The following EBF2 variants were observed in gnomAD, a reference collection of about 807,000 sequenced individuals.
EBF2 encodes transcription factor COE2.
In EBF2, 21 loss-of-function variants were observed where a neutral mutation model predicts 72.8. The ratio of observed to expected loss-of-function variants is 0.29; its 90% CI spans 0.20 to 0.42. EBF2 has a LOEUF of 0.42. Ranked by LOEUF, EBF2 falls within the 10% of genes least tolerant of loss-of-function variation. The probability of loss-of-function intolerance (pLI) is 1.00; values close to 1 mark genes in which losing one functional copy is unlikely to be tolerated. For synonymous variants in EBF2, 299 were observed against 274.2 expected (o/e 1.09, Z -0.89); for missense variants, 637 against 731.2 (o/e 0.87, Z 1.49).
intron 6 of EBF2, among the ~76,000 whole-genome samples, chr8:25,932,478 C>T (rs1296788269): frequency 6.6e-6 from 1 of 151,852 alleles, no homozygotes; most frequent in Non-Finnish European, 1.5e-5. Context: ...TTTGTGTTTT[C>T]ATCCTCGTTG....
Position 25,861,170 on chromosome 8 carries a change from C to A in EBF2, c.1221G>T (p.Arg407Ser), listed in dbSNP as rs200068960. The change falls in exon 13 of 16, where the codon AGG becomes AGT. Residue 407 changes from arginine (R) to serine (S), a missense_variant. By Grantham distance (110) the Arg-to-Ser change is moderately radical. This residue lies in a region of EBF2 where 259 missense variants were observed against 268.1 expected (regional missense o/e 0.97). Coordinates refer to ENST00000520164, the MANE Select transcript of EBF2 (RefSeq NM_022659.4). ...DIAEALYSVP[R>S]NPSQLPALSS... ...AGAGGGCTGGAAGCTGGCTGGGATT[C>A]CTGGGGACGCTGTAGAGAGCTTCAG... 17 of 1,614,044 alleles carry A rather than the reference C, an allele frequency of 1.1e-5. No homozygotes were observed. In the East Asian group the frequency reaches 3.6e-4, roughly 34 times the overall value.
At chr8:25,922,250 TA>T (rs56689931) in intron 6 of EBF2, among the ~76,000 whole-genome samples, 79,008 of 147,976 alleles carry the variant, frequency 0.53, 23,225 homozygotes, top group East Asian at 0.74. Flanking sequence ...TGTTTTTGCT[TA>T]AAAAAAAAAA....
intron 15 of EBF2, among the ~76,000 whole-genome samples, chr8:25,847,480 A>AAAACGAGGAAGAGCATAAGG (rs1801863590): frequency 6.6e-6 from 1 of 152,198 alleles, no homozygotes; most frequent in African/African-American, 2.4e-5. Context: ...CACCTGGTCT[A>AAAACGAGGAAGAGCATAAGG]AAACGAGGAA....
intron 10 of EBF2, among the ~76,000 whole-genome samples, chr8:25,865,672 C>T (rs937465928): frequency 2.0e-5 from 3 of 151,502 alleles, no homozygotes; most frequent in Non-Finnish European, 1.5e-5. Context: ...AGCAATCGTC[C>T]GCCTTGGCCT....
At chr8:25,866,575 T>G (rs1241935282) in intron 10 of EBF2, among the ~76,000 whole-genome samples, 1 of 140,718 alleles carries the variant, frequency 7.1e-6, no homozygotes, top group Non-Finnish European at 1.5e-5. Context: ...ATAATTTATA[T>G]ATATAATAAT....
chr8:25,858,052 C>T (rs1199576086), intron 14 of EBF2: 1 of 604,012 alleles, frequency 1.7e-6, no homozygotes. Context: ...TCCTTGCTTC[C>T]ACTTACACAG....
At chr8:25,901,427 A>G (rs1802951240) in intron 7 of EBF2, among the ~76,000 whole-genome samples, 1 of 128,220 alleles carries the variant, frequency 7.8e-6, no homozygotes. Flanking sequence ...GTCTCAAAAA[A>G]AAAAAAAAAA....
At chr8:25,866,491 AAT>A (rs1220876187) in intron 10 of EBF2, among the ~76,000 whole-genome samples, 1 of 133,830 alleles carries the variant, frequency 7.5e-6, no homozygotes, top group Non-Finnish European at 1.6e-5. Context: ...AAAAATATAT[AAT>A]ATATATAATA....
At chr8:26,019,218 G>C (rs1416312678) in intron 6 of EBF2, among the ~76,000 whole-genome samples, 2 of 151,854 alleles carry the variant, frequency 1.3e-5, no homozygotes, top group African/African-American at 4.8e-5. Context: ...TAACAGCTAA[G>C]AGTTAGTTCC....
intron 10 of EBF2, among the ~76,000 whole-genome samples, chr8:25,871,558 G>T (rs1183837834): frequency 1.3e-5 from 2 of 152,176 alleles, no homozygotes; most frequent in Non-Finnish European, 2.9e-5. Flanking sequence ...GGCATGGCAT[G>T]AAGTTAAATA....
chr8:25,929,768 A>T (rs1171885450), intron 6 of EBF2, among the ~76,000 whole-genome samples: 4 of 151,960 alleles, frequency 2.6e-5, no homozygotes, highest in Non-Finnish European at 4.4e-5. Context: ...TGTTCTTCAC[A>T]CACCTACTTC....
intron 6 of EBF2, among the ~76,000 whole-genome samples, chr8:25,944,007 C>T (rs557641476): frequency 2.4e-4 from 37 of 152,246 alleles, no homozygotes; most frequent in African/African-American, 8.2e-4. Context: ...CAACCATCCC[C>T]GGAAATGGGC....
At chr8:25,852,096 T>C (rs1458814661) in intron 14 of EBF2, among the ~76,000 whole-genome samples, 1 of 152,200 alleles carries the variant, frequency 6.6e-6, no homozygotes, top group Non-Finnish European at 1.5e-5. Context: ...TGAGTACATC[T>C]GTCTTTCCTC....
chr8:25,952,606 G>A (rs1002212059), intron 6 of EBF2, among the ~76,000 whole-genome samples: 1 of 151,894 alleles, frequency 6.6e-6, no homozygotes, highest in Non-Finnish European at 1.5e-5. Flanking sequence ...AACCTGCCCT[G>A]CTCACTCCTT....
At chr8:25,854,302 T>C (rs1341802296) in intron 14 of EBF2, among the ~76,000 whole-genome samples, 1 of 151,686 alleles carries the variant, frequency 6.6e-6, no homozygotes, top group Non-Finnish European at 1.5e-5. Flanking sequence ...TTGGTGATTG[T>C]AGTCAACTTT....
At chr8:26,041,335 G>T in intron 2 of EBF2, 1 of 345,830 alleles carries the variant, frequency 2.9e-6, no homozygotes, top group South Asian at 3.9e-5. Context: ...GGCTCTGTCT[G>T]TCCTTAGGAA....
chr8:25,855,457 G>A (rs1331759664), intron 14 of EBF2, among the ~76,000 whole-genome samples: 1 of 152,112 alleles, frequency 6.6e-6, no homozygotes, highest in Non-Finnish European at 1.5e-5. Context: ...TAAAGATGCG[G>A]GTTTCTGATA....
chr8:25,989,742 G>A (rs1371449557), intron 6 of EBF2, among the ~76,000 whole-genome samples: 1 of 152,212 alleles, frequency 6.6e-6, no homozygotes, highest in African/African-American at 2.4e-5. Context: ...ATGGGCACAT[G>A]AGTCTCCCGT....
chr8:25,911,315 A>G (rs982834553), intron 6 of EBF2, among the ~76,000 whole-genome samples: 6 of 152,214 alleles, frequency 3.9e-5, no homozygotes, highest in Admixed American at 6.5e-5. Context: ...GACAACGTGA[A>G]TATCATAACC....
Sources: gnomAD v4.1 joint callset for allele counts (sites outside exome capture counted in the v4.1 genomes callset) on GRCh38, gnomAD v4.1.1 for gene constraint, gnomAD v4.1.1 regional missense constraint, MANE v1.5 for transcripts, NCBI Gene and HGNC (gene_info 2026-07-23, HGNC 2026-07-21) for gene names.